The following ANK2 variants were observed in gnomAD, a reference collection of about 807,000 sequenced individuals.
ANK2 encodes the protein ankyrin-2.
In ANK2, 83 loss-of-function variants were observed where a neutral mutation model predicts 360.5. The ratio of observed to expected loss-of-function variants is 0.23; its 90% CI spans 0.19 to 0.28. ANK2 has a LOEUF of 0.28. Among genes scored for constraint, ANK2 ranks in the 10% least tolerant of loss-of-function variants. The pLI is 1.00. For missense variants in ANK2, 4,201 were observed against 4,795.7 expected (o/e 0.88, Z 3.66); for synonymous variants, 1,740 against 1,759.5 (o/e 0.99, Z 0.28).
At chr4:112,730,540 G>T in the ANK2 span, among the ~76,000 whole-genome samples, 1 of 148,626 alleles carries the variant, frequency 6.7e-6, no homozygotes, top group African/African-American at 2.5e-5. Flanking sequence ...GAGAGGCTGA[G>T]GCAGGAGAAT....
intron 22 of ANK2, among the ~76,000 whole-genome samples, chr4:113,302,014 A>T (rs547116438): frequency 7.2e-5 from 11 of 152,324 alleles, no homozygotes; most frequent in African/African-American, 2.6e-4. Context: ...TAACCATTTT[A>T]TGAAGTACTT....
At chr4:113,341,970 T>C (rs2094352305) in intron 33 of ANK2, 54 bp downstream of exon 33, 1 of 1,346,300 alleles carries the variant, frequency 7.4e-7, no homozygotes, top group African/African-American at 1.5e-5. Flanking sequence ...ATACCTGCAT[T>C]AATAGATTAC....
rs948234196 is a variant in ANK2 at position 113,214,703 on chromosome 4, C to T, written c.384+15594C>T. The stretch of plus-strand genomic sequence containing the variant: ...CATGGTAGGTTAGGACTTTAAATAT[C>T]CTATCTGAAATTAGACTCGTGAGGC... On this transcript the variant is annotated intron_variant, in intron 4 of 45. Transcript: ENST00000357077. Among the ~76,000 whole-genome samples the T allele has an allele frequency of 2.6e-5, 4 of 152,058 alleles. No homozygotes were observed. The South Asian group carries it at 8.3e-4, about 32-fold the overall frequency.
upstream of ANK2, chr4:113,049,514 T>G: frequency 1.2e-6 from 1 of 863,540 alleles, no homozygotes; most frequent in Non-Finnish European, 1.6e-6. Context: ...CGGTTCCTGA[T>G]GGTAATTGGT....
intron 9 of ANK2, among the ~76,000 whole-genome samples, chr4:113,246,044 C>G (rs1358434622): frequency 6.6e-6 from 1 of 152,198 alleles, no homozygotes; most frequent in East Asian, 1.9e-4. Context: ...GATCTGCCCG[C>G]CTTGGCCTCC....
Position 113,363,553 on chromosome 4 carries a change from T to C in ANK2, c.10888+84T>C, listed in dbSNP as rs1410395439. ...GCATCTTGCAAATTCAGTAGAATAG[T>C]AAAGAAGCAAATGCCATTAATCTGC... On this transcript the variant is annotated intron_variant, in intron 40 of 45. Coordinates refer to ENST00000357077, the MANE Select transcript of ANK2 (RefSeq NM_001148.6). The C allele has an allele frequency of 3.3e-6, 5 of 1,515,432 alleles. No individual in the cohort carries two copies. In the African/African-American group the frequency reaches 5.5e-5, roughly 17 times the overall value. 93.9% of individuals were successfully genotyped at this position (1,515,432 alleles called of 1,614,324 possible).
intron 2 of ANK2, among the ~76,000 whole-genome samples, chr4:112,954,229 C>CCCTCCCTTCCTT (rs1222047511): frequency 1.4e-5 from 2 of 141,372 alleles, no homozygotes; most frequent in Admixed American, 7.2e-5. Flanking sequence ...CTCCCTCCCT[C>CCCTCCCTTCCTT]CCTTCCTTCC....
At chr4:113,023,483 C>A (rs973008601) in intron 2 of ANK2, among the ~76,000 whole-genome samples, 4 of 152,202 alleles carry the variant, frequency 2.6e-5, no homozygotes, top group Admixed American at 1.3e-4. Context: ...GCCTGGAATG[C>A]TCTATATAGA....
chr4:113,211,975 C>T (rs76332036), intron 4 of ANK2, among the ~76,000 whole-genome samples: 4,241 of 152,182 alleles, frequency 0.028, 99 homozygotes, highest in East Asian at 0.067. Flanking sequence ...TACATCTTTA[C>T]TGCTCCTTAA....
At chr4:113,007,983 A>C (rs1236164645) in intron 2 of ANK2, among the ~76,000 whole-genome samples, 4 of 152,142 alleles carry the variant, frequency 2.6e-5, no homozygotes, top group Non-Finnish European at 1.5e-5. Context: ...CTCCTCTGAA[A>C]TCTTGCCACA....
At chr4:113,257,933 T>G in intron 11 of ANK2, 117 bp from the exon 12 acceptor site, 1 of 1,027,308 alleles carries the variant, frequency 9.7e-7, no homozygotes, top group Non-Finnish European at 1.5e-6. Flanking sequence ...CTGCAGGGAT[T>G]GAAGAAATGG....
chr4:112,732,193 A>T, the ANK2 span, among the ~76,000 whole-genome samples: 1 of 151,902 alleles, frequency 6.6e-6, no homozygotes, highest in African/African-American at 2.4e-5. Flanking sequence ...TGACTATAAA[A>T]TGGATACCAT....
chr4:112,855,343 C>T (rs1313551057), intron 1 of ANK2, among the ~76,000 whole-genome samples: 1 of 152,176 alleles, frequency 6.6e-6, no homozygotes, highest in East Asian at 1.9e-4. Flanking sequence ...GTTCGTTGTC[C>T]ACATCTGCTG....
Position 113,309,398 on chromosome 4 carries a change from C to G in ANK2, c.2549-1857C>G, listed in dbSNP as rs1428007275. ...AAGTAGCACTGAACCTAGCAGCAGC[C>G]TTAGGCAGATAGCATCATAACAAAA... On this transcript the variant is annotated intron_variant, in intron 23 of 45. Coordinates refer to ENST00000357077, the MANE Select transcript of ANK2 (RefSeq NM_001148.6). Among the ~76,000 whole-genome samples, 3 of 152,290 alleles carry G rather than the reference C, an allele frequency of 2.0e-5. No individual in the cohort carries two copies. The East Asian group carries it at 5.8e-4, about 29-fold the overall frequency.
intron 2 of ANK2, among the ~76,000 whole-genome samples, chr4:113,023,447 G>A (rs1168960146): frequency 6.6e-6 from 1 of 152,110 alleles, no homozygotes; most frequent in Non-Finnish European, 1.5e-5. Context: ...CTACCCTTGG[G>A]TCCTTGGTGC....
chr4:113,253,662 C>G (rs186025896), intron 10 of ANK2, among the ~76,000 whole-genome samples: 2 of 152,058 alleles, frequency 1.3e-5, no homozygotes, highest in East Asian at 3.9e-4. Flanking sequence ...ACACTGTCAC[C>G]TCTTCCTTCA....
At chr4:112,842,216 G>A (rs2149812756) in intron 1 of ANK2, among the ~76,000 whole-genome samples, 1 of 152,204 alleles carries the variant, frequency 6.6e-6, no homozygotes, top group South Asian at 2.1e-4. Flanking sequence ...CACCATGTTG[G>A]CCAGTCTTGT....
chr4:112,906,913 G>C (rs1240586463), intron 2 of ANK2, among the ~76,000 whole-genome samples: 1 of 152,136 alleles, frequency 6.6e-6, no homozygotes, highest in Non-Finnish European at 1.5e-5. Context: ...CTAAAAATCA[G>C]AAATCAGGGA....
chr4:113,168,400 A>G (rs1228659397), intron 1 of ANK2, among the ~76,000 whole-genome samples: 6 of 152,250 alleles, frequency 3.9e-5, no homozygotes, highest in Non-Finnish European at 8.8e-5. Context: ...TAAAGCATTT[A>G]TAGAGTTCAC....
Sources: allele counts gnomAD v4.1 joint callset (sites outside exome capture counted in the v4.1 genomes callset), GRCh38; gene constraint gnomAD v4.1.1; transcripts MANE v1.5; gene names NCBI Gene and HGNC (gene_info 2026-07-23, HGNC 2026-07-21).